UPK1B: variants seen among roughly 807,000 people sequenced by gnomAD.
UPK1B encodes uroplakin 1B.
UPK1B carries 28 observed loss-of-function variants against 34.2 expected under a neutral mutation model. That is an observed-to-expected ratio of 0.82 (90% CI 0.61 to 1.12). The LOEUF (loss-of-function observed/expected upper bound fraction) is 1.12, where lower values mean the gene tolerates loss of function less well. Among genes scored for constraint, UPK1B ranks in the 50% most tolerant of loss-of-function variants. The pLI, the probability that UPK1B is intolerant of heterozygous loss-of-function variation, is 0.00. For synonymous variants in UPK1B, 81 were observed against 110.4 expected, an observed-to-expected ratio of 0.73 and a Z score of 1.67; for missense variants, 325 against 320.9, an observed-to-expected ratio of 1.01 and a Z score of -0.10.
chr3:119,191,671 C>T (rs1161466729), intron 5 of UPK1B, among the ~76,000 whole-genome samples: 2 of 152,168 alleles, frequency 1.3e-5, no homozygotes, highest in African/African-American at 4.8e-5. Flanking sequence ...GCCACCACTC[C>T]TTCTATGAAC....
intron 4 of UPK1B, among the ~76,000 whole-genome samples, 185 bp from the exon 5 acceptor site, chr3:119,190,797 G>T (rs1014372912): frequency 2.6e-5 from 4 of 152,188 alleles, no homozygotes; most frequent in Non-Finnish European, 5.9e-5. Flanking sequence ...CTTTTAAGAT[G>T]AGAGTCTCTT....
In UPK1B at chr3:119,179,352, GATATATATAT is replaced by G. The variant is rs60685268; in HGVS notation, c.-29+5751_-29+5760del. Among the ~76,000 whole-genome samples, 275 of 46,874 alleles carry G rather than the reference GATATATATAT, an allele frequency of 5.9e-3. 5 individuals carry two copies. Among genetic ancestry groups the G allele is most frequent in the African/African-American group, 0.013 (210 of 16,336 alleles). 30.8% of individuals were successfully genotyped at this position (46,874 alleles called of 152,430 possible). ...AGAGAGAGGGAGAGAGAGAGAGGGAGATATATATATATATATATATATATATATATATATA... is the reference window on the plus strand; with the variant it reads ...AGAGAGAGGGAGAGAGAGAGAGGGAGATATATATATATATATATATATATA... On this transcript the variant is annotated intron_variant, in intron 1 of 7. Coordinates refer to ENST00000264234, the MANE Select transcript of UPK1B (RefSeq NM_006952.4).
intron 6 of UPK1B, 122 bp from the exon 7 acceptor site, chr3:119,198,932 TAGC>T (rs1490665351): frequency 1.0e-6 from 1 of 997,778 alleles, no homozygotes; most frequent in East Asian, 2.6e-5. Context: ...GATGTGGAAA[TAGC>T]CTGGATATGT....
At chr3:119,174,888 A>AC (rs2077946322) in intron 1 of UPK1B, among the ~76,000 whole-genome samples, 1 of 88,932 alleles carries the variant, frequency 1.1e-5, no homozygotes, top group East Asian at 3.5e-4. Flanking sequence ...AAATCAACTC[A>AC]CCTATTTTTT....
intron 1 of UPK1B, among the ~76,000 whole-genome samples, chr3:119,185,637 A>G (rs1348158782): frequency 1.3e-5 from 2 of 152,242 alleles, no homozygotes; most frequent in Non-Finnish European, 2.9e-5. Context: ...TACTAACGCA[A>G]AAAATCCTAG....
Position 119,187,802 on chromosome 3 carries a change from T to A in UPK1B, c.97T>A (p.Cys33Ser). ...GCCGIALTAE[C>S]IFFVSDQHSL... ...TTGCGGCATTGCCCTGACTGCGGAGTGCATCTTCTTTGTATCTGACCAACA... is the reference window on the plus strand; with the variant it reads ...TTGCGGCATTGCCCTGACTGCGGAGAGCATCTTCTTTGTATCTGACCAACA... The change falls in exon 3 of 8, where the codon TGC (cysteine) becomes AGC (serine). Residue 33 changes from cysteine to serine, a missense_variant. Transcript: ENST00000264234. The A allele has an allele frequency of 6.2e-7, 1 of 1,612,328 alleles. No homozygotes were observed. Among genetic ancestry groups the A allele is most frequent in the Non-Finnish European group, 8.5e-7 (1 of 1,179,804 alleles).
At chr3:119,182,694 T>G (rs1249027996) in intron 1 of UPK1B, among the ~76,000 whole-genome samples, 1 of 152,200 alleles carries the variant, frequency 6.6e-6, no homozygotes, top group Non-Finnish European at 1.5e-5. Context: ...TGTGAGCCAC[T>G]GGAAGCCTAC....
rs114771394 is a variant in UPK1B, at chr3:119,186,525, G to A, written c.-28-189G>A. On this transcript the variant is annotated intron_variant, in intron 1 of 7. Coordinates refer to ENST00000264234, the MANE Select transcript of UPK1B (RefSeq NM_006952.4). Reference sequence around the variant, plus strand: ...CCTGAAAGGCACTGACCAGGCTCTGGAAGGCTATATTCTTTTCATTCTTTA... The same window carrying A: ...CCTGAAAGGCACTGACCAGGCTCTGAAAGGCTATATTCTTTTCATTCTTTA... Among the ~76,000 whole-genome samples the A allele has an allele frequency of 5.0e-3, 767 of 152,340 alleles. 2 individuals are homozygous for A. Among genetic ancestry groups the A allele is most frequent in the African/African-American group, 0.017 (704 of 41,572 alleles).
Position 119,204,045 on chromosome 3 carries a change from C to G in UPK1B, c.*78C>G. On this transcript the variant is annotated 3_prime_UTR_variant, in exon 8 of 8. Coordinates refer to ENST00000264234, the MANE Select transcript of UPK1B (RefSeq NM_006952.4). ...CTGGAACCAGCTCTCTCCTAATATTCCACGTTTGTGCCCCACACTAACGTG... is the reference window on the plus strand; with the variant it reads ...CTGGAACCAGCTCTCTCCTAATATTGCACGTTTGTGCCCCACACTAACGTG... The G allele has an allele frequency of 6.6e-7, 1 of 1,515,834 alleles. No individual in the cohort carries two copies. The highest frequency in any genetic ancestry group is 9.1e-7 in the Non-Finnish European group (1 of 1,097,062). The allele number at this position is 1,515,834 out of a possible 1,614,324, so 93.9% of individuals were successfully genotyped here.
intron 1 of UPK1B, among the ~76,000 whole-genome samples, chr3:119,178,139 G>A (rs1052141596): frequency 3.9e-5 from 6 of 152,230 alleles, no homozygotes; most frequent in African/African-American, 1.4e-4. Flanking sequence ...TTAGAACCTG[G>A]ATGGGTGCTG....
chr3:119,183,751 G>T (rs368761355), intron 1 of UPK1B, among the ~76,000 whole-genome samples: 8 of 152,140 alleles, frequency 5.3e-5, no homozygotes, highest in East Asian at 3.8e-4. Context: ...AGGAAATGCA[G>T]ACCTGAAAAA....
rs71297415 is a variant in UPK1B, at chr3:119,179,507, C to CTTTTTTTTTTTTTTTTTTTTTTT, written c.-29+5889_-29+5890insTTTTTTTTTTTTTTTTTTTTTTT. On this transcript the variant is annotated intron_variant, in intron 1 of 7. Coordinates refer to ENST00000264234, the MANE Select transcript of UPK1B (RefSeq NM_006952.4). ...TTTGGGGAAGAGTTGATGTTGCAGT[C>CTTTTTTTTTTTTTTTTTTTTTTT]TTTTTTTTTTTTTTTTTTTTGAGAC... 7.7e-5 allele frequency among the ~76,000 whole-genome samples: 4 copies of CTTTTTTTTTTTTTTTTTTTTTTT among 52,254 alleles called. 2 individuals carry two copies. Among genetic ancestry groups the CTTTTTTTTTTTTTTTTTTTTTTT allele is most frequent in the African/African-American group, 1.4e-4 (2 of 14,280 alleles). 34.3% of individuals were successfully genotyped at this position (52,254 alleles called of 152,430 possible). A position where few individuals can be genotyped will look rare whatever the true frequency, so the allele number is the denominator to read the frequency against.
At chr3:119,175,014 T>A in intron 1 of UPK1B, among the ~76,000 whole-genome samples, 3 of 7,324 alleles carry the variant, frequency 4.1e-4, no homozygotes, top group African/African-American at 1.5e-3. Context: ...TTTATTTTCT[T>A]TTTTTTTTTT....
intron 5 of UPK1B, among the ~76,000 whole-genome samples, chr3:119,192,091 G>A (rs971885033): frequency 3.0e-4 from 46 of 152,116 alleles, no homozygotes; most frequent in African/African-American, 1.0e-3. Context: ...CATGACCATA[G>A]TCAGCATGCC....
chr3:119,203,782 G>T, intron 7 of UPK1B, 135 bp from the exon 8 acceptor site: 3 of 902,580 alleles, frequency 3.3e-6, no homozygotes, highest in East Asian at 2.7e-5. Context: ...TGGTTTTTTA[G>T]AAGAAATAAA....
intron 1 of UPK1B, among the ~76,000 whole-genome samples, chr3:119,177,444 G>A (rs886623528): frequency 1.3e-5 from 2 of 152,232 alleles, no homozygotes; most frequent in Non-Finnish European, 2.9e-5. Flanking sequence ...AACACATCAT[G>A]ATCGTGAACA....
At chr3:119,176,312 G>A (rs72955041) in intron 1 of UPK1B, among the ~76,000 whole-genome samples, 17,168 of 152,148 alleles carry the variant, frequency 0.11, 1,506 homozygotes, top group African/African-American at 0.24. Context: ...CTTACTGGGC[G>A]AGTCTCACTT....
rs905219856 is a variant in UPK1B at position 119,203,943 on chromosome 3, C to G, written c.759C>G (p.Phe253Leu). The G allele has an allele frequency of 1.2e-6, 2 of 1,613,944 alleles. No homozygotes were observed. The highest frequency in any genetic ancestry group is 1.7e-6 in the Non-Finnish European group (2 of 1,180,026). Reference protein sequence around the residue: ...WTFWVLLGTMFYWSRIEY With the variant: ...WTFWVLLGTMLYWSRIEY ...TTTGGGTTCTCCTGGGTACCATGTT[C>G]TACTGGAGCAGAATTGAATATTAAG... is the stretch of plus-strand genomic sequence containing the variant. Residue 253 changes from phenylalanine to leucine, a missense_variant, in exon 8 of 8, where the codon TTC (phenylalanine) becomes TTG (leucine). Transcript: ENST00000264234.
intron 5 of UPK1B, among the ~76,000 whole-genome samples, chr3:119,192,590 G>A (rs985820293): frequency 4.6e-5 from 7 of 151,912 alleles, no homozygotes; most frequent in Non-Finnish European, 8.8e-5. Flanking sequence ...TTGATGACCC[G>A]ACCTCATATG....
Sources: allele counts gnomAD v4.1 joint callset (sites outside exome capture counted in the v4.1 genomes callset), GRCh38; gene constraint gnomAD v4.1.1; transcripts MANE v1.5; gene names NCBI Gene and HGNC (gene_info 2026-07-23, HGNC 2026-07-21).